The following ADGRV1 variants were observed in gnomAD, a reference collection of about 807,000 sequenced individuals.
ADGRV1 encodes G-protein coupled receptor 98.
A neutral mutation model predicts 596.2 loss-of-function variants in ADGRV1; 359 were observed. The ratio of observed to expected loss-of-function variants is 0.60; its 90% CI spans 0.55 to 0.66. The LOEUF (loss-of-function observed/expected upper bound fraction) is 0.66. ADGRV1 is among the 30% of genes least tolerant of loss of function. ADGRV1 has a pLI of 0.00. For synonymous variants in ADGRV1, 2,681 were observed against 2,679.2 expected (o/e 1.00, Z -0.02); for missense variants, 7,274 against 7,575.6 (o/e 0.96, Z 1.48).
At chr5:90,672,515 G>A in intron 21 of ADGRV1, 31 bp from the exon 22 acceptor site, 1 of 1,566,464 alleles carries the variant, frequency 6.4e-7, no homozygotes, top group African/African-American at 1.3e-5. Context: ...GAATTGCTAT[G>A]CACCTATTAA....
chr5:91,029,875 G>A (rs1784334059), intron 85 of ADGRV1, among the ~76,000 whole-genome samples: 1 of 151,920 alleles, frequency 6.6e-6, no homozygotes, highest in Admixed American at 6.6e-5. Flanking sequence ...ATCACCTACA[G>A]TATTTCAATG....
Position 91,126,971 on chromosome 5 carries a change from G to A in ADGRV1, c.18433-23059G>A, listed in dbSNP as rs1276996315. On this transcript the variant is annotated intron_variant, in intron 87 of 89. Coordinates refer to ENST00000405460, the MANE Select transcript of ADGRV1 (RefSeq NM_032119.4). ...GCATCCAGCCTTGCAGAACAGCCAG[G>A]TGTCTGTTCTATAGACTACAGTTCC... 2.6e-5 allele frequency among the ~76,000 whole-genome samples: 4 copies of A among 152,196 alleles called. 1 individual carries two copies. The highest frequency in any genetic ancestry group is 2.1e-4 in the South Asian group (1 of 4,824).
At chr5:90,713,250 T>C (rs892242135) in intron 42 of ADGRV1, among the ~76,000 whole-genome samples, 18 of 152,032 alleles carry the variant, frequency 1.2e-4, no homozygotes, top group African/African-American at 4.3e-4. Context: ...TAGTAGAAAA[T>C]ATAAAAGAAT....
chr5:90,671,533 G>A (rs139707139), intron 21 of ADGRV1, among the ~76,000 whole-genome samples: 14 of 152,284 alleles, frequency 9.2e-5, no homozygotes, highest in African/African-American at 3.4e-4. Context: ...GGAACATCTG[G>A]TGACTCCACA....
chr5:91,013,656 T>C (rs550790287), intron 85 of ADGRV1, among the ~76,000 whole-genome samples: 1 of 152,170 alleles, frequency 6.6e-6, no homozygotes, highest in African/African-American at 2.4e-5. Flanking sequence ...ATTCTATAGG[T>C]TGTCTGTTTT....
At chr5:90,856,213 G>A (rs1029992793) in intron 82 of ADGRV1, among the ~76,000 whole-genome samples, 22 of 152,182 alleles carry the variant, frequency 1.4e-4, no homozygotes, top group African/African-American at 5.3e-4. Flanking sequence ...TTAGAGGGCA[G>A]GTACTGCAGT....
intron 29 of ADGRV1, 21 bp downstream of exon 29, chr5:90,686,016 A>G: frequency 6.6e-7 from 1 of 1,509,920 alleles, no homozygotes; most frequent in Non-Finnish European, 9.0e-7. Context: ...ACATCTAAAA[A>G]GCAGTACATA....
At chr5:91,117,365 T>C (rs1792938922) in intron 87 of ADGRV1, among the ~76,000 whole-genome samples, 1 of 152,164 alleles carries the variant, frequency 6.6e-6, no homozygotes, top group Admixed American at 6.5e-5. Flanking sequence ...GGTTATTCTA[T>C]GCCCTCAATA....
chr5:90,876,081 T>TG (rs1460952484), intron 83 of ADGRV1, among the ~76,000 whole-genome samples: 1 of 152,174 alleles, frequency 6.6e-6, no homozygotes, highest in Non-Finnish European at 1.5e-5. Context: ...TAATTGTGAT[T>TG]AATCTACTCT....
chr5:90,998,441 T>G (rs1781587681), intron 85 of ADGRV1, among the ~76,000 whole-genome samples: 1 of 152,180 alleles, frequency 6.6e-6, no homozygotes. Context: ...TGTAATACCC[T>G]GTATCGGTAT....
At position 90,840,598 on chromosome 5, in the gene ADGRV1, A is replaced by G. The variant is rs775174136; in HGVS notation, c.16632A>G (p.Thr5544=). The G allele has an allele frequency of 6.2e-7, 1 of 1,607,006 alleles. No homozygotes were observed. Among genetic ancestry groups the G allele is most frequent in the South Asian group, 1.1e-5 (1 of 90,520 alleles). The change falls in exon 78 of 90, where the codon ACA becomes ACG. Residue 5544 remains threonine, a synonymous_variant. Coordinates refer to ENST00000405460, the MANE Select transcript of ADGRV1 (RefSeq NM_032119.4). ...TCTAGGAGTTGAGGAGTGCTGAAAC[A>G]ATTGGTCGTACCATCATATCTCCAG... ...FSTQELRSAE[T]IGRTIISPAI... is the part of the protein sequence containing the mutation.
At position 91,034,793 on chromosome 5, in the gene ADGRV1, G is replaced by T. The variant is rs114792487; in HGVS notation, c.18153-37654G>T. Among the ~76,000 whole-genome samples the T allele has an allele frequency of 3.9e-3, 587 of 152,186 alleles. 4 individuals are homozygous for T. Among genetic ancestry groups the T allele is most frequent in the African/African-American group, 0.013 (540 of 41,542 alleles). On this transcript the variant is annotated intron_variant, in intron 85 of 89. Transcript: ENST00000405460. ...GACAAAACAGCATAATGGGTGTTTT[G>T]GTGGACATCCTCTTTATCCCCCTGT...
At chr5:91,151,548 C>A (rs1472626105) in intron 88 of ADGRV1, among the ~76,000 whole-genome samples, 1 of 152,170 alleles carries the variant, frequency 6.6e-6, no homozygotes, top group Non-Finnish European at 1.5e-5. Context: ...TATTTCATCA[C>A]AGCAGGCCCA....
At chr5:91,134,028 C>G (rs1794430375) in intron 87 of ADGRV1, among the ~76,000 whole-genome samples, 1 of 152,024 alleles carries the variant, frequency 6.6e-6, no homozygotes, top group Non-Finnish European at 1.5e-5. Context: ...TATATCAAGC[C>G]TATTAATTTC....
At chr5:90,939,028 T>C (rs1280033206) in intron 83 of ADGRV1, among the ~76,000 whole-genome samples, 1 of 152,208 alleles carries the variant, frequency 6.6e-6, no homozygotes, top group Admixed American at 6.5e-5. Flanking sequence ...GTTATTGTTA[T>C]GGATTTAAGA....
At chr5:91,055,899 A>G (rs555421068) in intron 85 of ADGRV1, among the ~76,000 whole-genome samples, 1 of 152,232 alleles carries the variant, frequency 6.6e-6, no homozygotes, top group Non-Finnish European at 1.5e-5. Context: ...ATTACAATGA[A>G]CACATTTTTG....
At chr5:90,841,153 T>G in intron 78 of ADGRV1, among the ~76,000 whole-genome samples, 168 bp downstream of exon 78, 1 of 152,208 alleles carries the variant, frequency 6.6e-6, no homozygotes, top group East Asian at 1.9e-4. Flanking sequence ...ACTGTCCTCT[T>G]CCTTGGATAT....
chr5:90,674,250 T>C lies in ADGRV1; in HGVS notation c.5110+16T>C. 1 of 1,543,846 alleles carries C rather than the reference T, an allele frequency of 6.5e-7. No individual in the cohort carries two copies. Among genetic ancestry groups the C allele is most frequent in the Non-Finnish European group, 8.7e-7 (1 of 1,147,684 alleles). ...CATCCATATGGTAACCTGCTCCTTT[T>C]GCAAGAAAAATCCTCTCTTCTCTGG... On this transcript the variant is annotated intron_variant, in intron 23 of 89. Transcript: ENST00000405460.
At chr5:90,874,130 G>A (rs1350143741) in intron 83 of ADGRV1, among the ~76,000 whole-genome samples, 3 of 152,100 alleles carry the variant, frequency 2.0e-5, no homozygotes, top group Non-Finnish European at 2.9e-5. Flanking sequence ...ATCAGTCTCT[G>A]CCCATTCTCT....
Sources: allele counts gnomAD v4.1 joint callset (sites outside exome capture counted in the v4.1 genomes callset), GRCh38; gene constraint gnomAD v4.1.1; transcripts MANE v1.5; gene names NCBI Gene and HGNC (gene_info 2026-07-23, HGNC 2026-07-21).